DNAAF9: variants seen among roughly 807,000 people sequenced by gnomAD.
DNAAF9 encodes the protein dynein axonemal assembly factor 9, also known as shulin.
In DNAAF9, 90 loss-of-function variants were observed where a neutral mutation model predicts 167.0. That is an observed-to-expected ratio of 0.54 (90% CI 0.45 to 0.64). The LOEUF (loss-of-function observed/expected upper bound fraction) is 0.64, where lower values mean the gene tolerates loss of function less well. Among genes scored for constraint, DNAAF9 ranks in the 30% least tolerant of loss-of-function variants. The probability of loss-of-function intolerance (pLI) is 0.00; values close to 1 mark genes in which losing one functional copy is unlikely to be tolerated. For synonymous variants in DNAAF9, 491 were observed against 508.8 expected, an observed-to-expected ratio of 0.96 and a Z score of 0.47; for missense variants, 1,315 against 1,442.2, an observed-to-expected ratio of 0.91 and a Z score of 1.43.
In DNAAF9 at chr20:3,351,850, AT is replaced by A. The variant is rs199620642; in HGVS notation, c.691-3228del. On this transcript the variant is annotated intron_variant, in intron 7 of 36. Transcript: ENST00000252032. Reference sequence around the variant, plus strand: ...TTTGTGTTATTTTATTTATTTATTTATTTATTTATTTATTTTGAGACAAAGT... The same window carrying A: ...TTTGTGTTATTTTATTTATTTATTTATTATTTATTTATTTTGAGACAAAGT... Among the ~76,000 whole-genome samples the A allele has an allele frequency of 7.7e-3, 1,005 of 130,082 alleles. 9 individuals are homozygous for A. The highest frequency in any genetic ancestry group is 0.028 in the African/African-American group (954 of 34,212). 85.3% of individuals were successfully genotyped at this position (130,082 alleles called of 152,430 possible). A position where few individuals can be genotyped will look rare whatever the true frequency, so the allele number is the denominator to read the frequency against.
At chr20:3,390,523 C>A (rs1214175621) in intron 1 of DNAAF9, among the ~76,000 whole-genome samples, 1 of 152,060 alleles carries the variant, frequency 6.6e-6, no homozygotes, top group Admixed American at 6.6e-5. Context: ...TGCCACCATG[C>A]CCAGCTAATT....
chr20:3,289,414 G>C (rs2068910177), intron 26 of DNAAF9, among the ~76,000 whole-genome samples: 1 of 152,070 alleles, frequency 6.6e-6, no homozygotes, highest in Non-Finnish European at 1.5e-5. Flanking sequence ...CACTGTACGC[G>C]AGTTTGGGTG....
chr20:3,252,522 G>A lies in DNAAF9; in HGVS notation c.*50C>T, dbSNP rs762987715. ...AGAGCTGAGGTTAAGACACCCGTTC[G>A]TCCATCTCCAAGGTGGACATTCTGC... On this transcript the variant is annotated 3_prime_UTR_variant, in exon 37 of 37. Transcript: ENST00000252032. 3.1e-5 allele frequency: 31 copies of A among 995,584 alleles called. No individual in the cohort carries two copies. Among genetic ancestry groups the A allele is most frequent in the Middle Eastern group, 2.1e-4 (1 of 4,716 alleles). 61.7% of individuals were successfully genotyped at this position (995,584 alleles called of 1,614,324 possible).
At chr20:3,254,575 G>C (rs868798735) in intron 35 of DNAAF9, among the ~76,000 whole-genome samples, 2 of 152,194 alleles carry the variant, frequency 1.3e-5, no homozygotes, top group Admixed American at 6.5e-5. Flanking sequence ...CAGGTTGTCC[G>C]GGCCTATAGG....
chr20:3,298,907 CTTTT>C (rs397865293), intron 21 of DNAAF9, among the ~76,000 whole-genome samples: 1 of 119,570 alleles, frequency 8.4e-6, no homozygotes, highest in Admixed American at 9.1e-5. Flanking sequence ...TGTTTTAGCT[CTTTT>C]TTTTTTTTTT....
At chr20:3,304,116 G>A (rs529323519) in intron 21 of DNAAF9, among the ~76,000 whole-genome samples, 6 of 152,344 alleles carry the variant, frequency 3.9e-5, no homozygotes, top group African/African-American at 1.2e-4. Context: ...GGCCACCCAA[G>A]AGGGGCCACT....
At chr20:3,277,000 T>C (rs1957493898) in intron 29 of DNAAF9, among the ~76,000 whole-genome samples, 1 of 152,198 alleles carries the variant, frequency 6.6e-6, no homozygotes, top group Admixed American at 6.5e-5. Flanking sequence ...TAGTATCTCC[T>C]TGCAGCCCAC....
chr20:3,310,947 G>T lies in DNAAF9; in HGVS notation c.1678+4086C>A, dbSNP rs2069403937. Among the ~76,000 whole-genome samples the T allele has an allele frequency of 2.0e-5, 3 of 152,148 alleles. No homozygotes were observed. The South Asian group carries it at 6.2e-4, about 32-fold the overall frequency. ...CTCAAATACCTGTATGCTGCTGCTG[G>T]AAGTATAATTTGGGACAATCAATTT... is the stretch of plus-strand genomic sequence containing the variant. On this transcript the variant is annotated intron_variant, in intron 20 of 36. Coordinates refer to ENST00000252032, the MANE Select transcript of DNAAF9 (RefSeq NM_001009984.3).
chr20:3,269,251 T>C (rs1228245690), intron 30 of DNAAF9, among the ~76,000 whole-genome samples: 1 of 149,110 alleles, frequency 6.7e-6, no homozygotes, highest in Non-Finnish European at 1.5e-5. Flanking sequence ...ACTACTTCGC[T>C]CAGGCTGGAG....
At position 3,376,274 on chromosome 20, in the gene DNAAF9, G is replaced by A. The variant is rs780729818; in HGVS notation, c.312C>T (p.Ser104=). Residue 104 remains serine, a synonymous_variant, in exon 4 of 37, where the codon AGC becomes AGT. Coordinates refer to ENST00000252032, the MANE Select transcript of DNAAF9 (RefSeq NM_001009984.3). Reference sequence around the variant, plus strand: ...TTACAGGATTACAGTACAGATGGACGCTATCCGATTTAATCAATATAATTA... The same window carrying A: ...TTACAGGATTACAGTACAGATGGACACTATCCGATTTAATCAATATAATTA... ...DDVIILIKSD[S]VHLYCNPVNF... 1.8e-5 allele frequency: 29 copies of A among 1,610,582 alleles called. No homozygotes were observed. The highest frequency in any genetic ancestry group is 5.0e-5 in the Admixed American group (3 of 59,716).
At chr20:3,322,116 G>T in intron 16 of DNAAF9, 101 bp downstream of exon 16, 1 of 767,988 alleles carries the variant, frequency 1.3e-6, no homozygotes, top group Non-Finnish European at 2.3e-6. Flanking sequence ...TCTTCAGGTG[G>T]GGTGGGCTGC....
chr20:3,268,162 G>A (rs1181496987), intron 30 of DNAAF9, among the ~76,000 whole-genome samples: 1 of 151,708 alleles, frequency 6.6e-6, no homozygotes, highest in African/African-American at 2.4e-5. Context: ...CTGAGTAGCT[G>A]GGATTACAGG....
Position 3,340,434 on chromosome 20 carries a change from C to CCCCT in DNAAF9, c.981+69_981+70insAGGG. 6 of 184,748 alleles carry CCCCT rather than the reference C, an allele frequency of 3.2e-5. 2 individuals are homozygous for CCCCT. The highest frequency in any genetic ancestry group is 2.3e-4 in the South Asian group (2 of 8,766). 11.4% of individuals were successfully genotyped at this position (184,748 alleles called of 1,614,324 possible). On this transcript the variant is annotated intron_variant, in intron 10 of 36. Coordinates refer to ENST00000252032, the MANE Select transcript of DNAAF9 (RefSeq NM_001009984.3). Reference sequence around the variant, plus strand: ...TGGAAAAGGTTCTTTTTGTCTAGCTCCCCCCACCCACCCCACCCCCACAAC... The same window carrying CCCCT: ...TGGAAAAGGTTCTTTTTGTCTAGCTCCCCTCCCCCACCCACCCCACCCCCACAAC...
In DNAAF9 at chr20:3,348,543, T is replaced by C. The variant is rs1266672311; in HGVS notation, c.771A>G (p.Ser257=). Reference sequence around the variant, plus strand: ...TACATACCTCACCCGCCTGAGATTCTGAAAGTTCTAGCAGGAAAGGAATTT... The same window carrying C: ...TACATACCTCACCCGCCTGAGATTCCGAAAGTTCTAGCAGGAAAGGAATTT... ...DTEIPFLLEL[S]ESQAGEPFRS... Residue 257 remains serine (S), a synonymous_variant, in exon 8 of 37, where the codon TCA becomes TCG. Coordinates refer to ENST00000252032, the MANE Select transcript of DNAAF9 (RefSeq NM_001009984.3). 1.3e-6 allele frequency: 2 copies of C among 1,597,528 alleles called. No individual in the cohort carries two copies. The highest frequency in any genetic ancestry group is 1.7e-6 in the Non-Finnish European group (2 of 1,169,326).
intron 31 of DNAAF9, among the ~76,000 whole-genome samples, chr20:3,262,482 C>T (rs1015889342): frequency 2.1e-4 from 32 of 152,236 alleles, no homozygotes; most frequent in Admixed American, 2.0e-3. Flanking sequence ...AACTCCTGAC[C>T]TCATGGTCCA....
intron 10 of DNAAF9, among the ~76,000 whole-genome samples, 190 bp downstream of exon 10, chr20:3,340,314 C>T (rs904899261): frequency 3.5e-5 from 2 of 57,262 alleles, no homozygotes; most frequent in African/African-American, 4.6e-4. Context: ...TCAAATCATA[C>T]CTAGTTTGTA....
intron 6 of DNAAF9, among the ~76,000 whole-genome samples, chr20:3,366,272 T>C (rs898988155): frequency 6.6e-6 from 1 of 152,214 alleles, no homozygotes; most frequent in African/African-American, 2.4e-5. Flanking sequence ...GGATGTTGTG[T>C]TAGTAGGCAT....
chr20:3,337,641 C>T (rs947113045), intron 10 of DNAAF9, among the ~76,000 whole-genome samples: 5 of 151,820 alleles, frequency 3.3e-5, no homozygotes, highest in African/African-American at 1.2e-4. Context: ...AGTGATTTTT[C>T]AATTGAAACA....
chr20:3,349,022 GAAT>G (rs959451644), intron 7 of DNAAF9, among the ~76,000 whole-genome samples: 56 of 151,966 alleles, frequency 3.7e-4, no homozygotes, highest in Middle Eastern at 3.4e-3. Context: ...TAAAATGGAT[GAAT>G]ATTATGGTAC....
Sources: allele counts gnomAD v4.1 joint callset (sites outside exome capture counted in the v4.1 genomes callset), GRCh38; gene constraint gnomAD v4.1.1; transcripts MANE v1.5; gene names NCBI Gene and HGNC (gene_info 2026-07-23, HGNC 2026-07-21).